Variants in SLC1A2 observed in about 807,000 individuals in gnomAD.
SLC1A2 encodes solute carrier family 1 member 2.
Under a neutral mutation model 48.8 loss-of-function variants are expected in SLC1A2, and 15 were observed. The observed-to-expected ratio is 0.31, with a 90% CI of 0.21 to 0.47. SLC1A2 has a LOEUF of 0.47. Ranked by LOEUF, SLC1A2 falls within the 20% of genes least tolerant of loss-of-function variation. The pLI, the probability that SLC1A2 is intolerant of heterozygous loss-of-function variation, is 0.99. For missense variants in SLC1A2, 502 were observed against 730.5 expected, an observed-to-expected ratio of 0.69 and a Z score of 3.61; for synonymous variants, 279 against 272.6, an observed-to-expected ratio of 1.02 and a Z score of -0.23.
intron 1 of SLC1A2, among the ~76,000 whole-genome samples, chr11:35,326,357 A>T (rs1852252840): frequency 6.6e-6 from 1 of 152,216 alleles, no homozygotes; most frequent in South Asian, 2.1e-4. Context: ...AAAAGAGCTC[A>T]GGATTTGGCC....
At chr11:35,382,111 T>C (rs1854442352) in intron 1 of SLC1A2, among the ~76,000 whole-genome samples, 1 of 152,222 alleles carries the variant, frequency 6.6e-6, no homozygotes, top group African/African-American at 2.4e-5. Context: ...TTGTGCAAGA[T>C]GACACAGAAA....
At chr11:35,323,439 G>A (rs969061722) in intron 1 of SLC1A2, 3 of 152,220 alleles carry the variant, frequency 2.0e-5, no homozygotes, top group South Asian at 2.1e-4. Context: ...TATCAATAAG[G>A]TTTAAGTATC....
rs553947706 is a variant in SLC1A2, at chr11:35,394,720, A to G, written c.17+24230T>C. On this transcript the variant is annotated intron_variant, in intron 1 of 10. Coordinates refer to ENST00000278379, the MANE Select transcript of SLC1A2 (RefSeq NM_004171.4). Reference sequence around the variant, plus strand: ...CTAGTCAGTGGGAGTGGCCAGTGCCAAATGGCCTGGAGGCTTGGAGAGGCA... The same window carrying G: ...CTAGTCAGTGGGAGTGGCCAGTGCCGAATGGCCTGGAGGCTTGGAGAGGCA... Among the ~76,000 whole-genome samples, 4 of 152,310 alleles carry G rather than the reference A, an allele frequency of 2.6e-5. No individual in the cohort carries two copies. The East Asian group carries it at 7.7e-4, about 29-fold the overall frequency.
At chr11:35,381,008 A>C (rs1228364197) in intron 1 of SLC1A2, among the ~76,000 whole-genome samples, 1 of 152,246 alleles carries the variant, frequency 6.6e-6, no homozygotes, top group Non-Finnish European at 1.5e-5. Context: ...TGACAAACTA[A>C]GTTGGAGTGA....
chr11:35,327,758 T>C (rs1167448627), intron 1 of SLC1A2, among the ~76,000 whole-genome samples: 1 of 152,228 alleles, frequency 6.6e-6, no homozygotes. Flanking sequence ...AGGATTATTC[T>C]ATCTTAGAAA....
intron 4 of SLC1A2, among the ~76,000 whole-genome samples, chr11:35,308,569 A>G (rs1275371184): frequency 1.3e-5 from 2 of 152,200 alleles, no homozygotes; most frequent in Admixed American, 6.5e-5. Flanking sequence ...TTGCTGCATC[A>G]TTATATGGAG....
At chr11:35,386,557 T>G (rs190097416) in intron 1 of SLC1A2, among the ~76,000 whole-genome samples, 2,279 of 152,310 alleles carry the variant, frequency 0.015, 30 homozygotes, top group Non-Finnish European at 0.022. Context: ...ACATCAATTT[T>G]TATTTTTGAA....
At chr11:35,397,500 C>T (rs1166157950) in intron 1 of SLC1A2, among the ~76,000 whole-genome samples, 5 of 150,770 alleles carry the variant, frequency 3.3e-5, no homozygotes, top group African/African-American at 1.2e-4. Flanking sequence ...AACTGGATCC[C>T]TTCCTTACAC....
intron 1 of SLC1A2, chr11:35,323,201 C>A (rs561125107): frequency 4.7e-6 from 1 of 211,596 alleles, no homozygotes; most frequent in Admixed American, 5.3e-5. Flanking sequence ...CCAGTCCATT[C>A]GAGGGGCTGG....
In SLC1A2 at chr11:35,418,989, C is replaced by G; in HGVS notation, c.-23G>C. ...CATGGTCTGGGGAACGCCCCCTCCT[C>G]TTCAGCACTATCCGGCAGCTGTGGG... On this transcript the variant is annotated 5_prime_UTR_variant, in exon 1 of 11. Coordinates refer to ENST00000278379, the MANE Select transcript of SLC1A2 (RefSeq NM_004171.4). 1 of 1,560,568 alleles carries G rather than the reference C, an allele frequency of 6.4e-7. No individual in the cohort carries two copies. The highest frequency in any genetic ancestry group is 8.7e-7 in the Non-Finnish European group (1 of 1,150,860).
At chr11:35,276,895 GATTGGGTA>G (rs1565207840) in intron 9 of SLC1A2, among the ~76,000 whole-genome samples, 1 of 152,214 alleles carries the variant, frequency 6.6e-6, no homozygotes, top group Non-Finnish European at 1.5e-5. Context: ...AAATACTTGA[GATTGGGTA>G]ATTTATATAG....
intron 1 of SLC1A2, among the ~76,000 whole-genome samples, chr11:35,406,859 AG>A (rs1288464661): frequency 6.6e-6 from 1 of 152,206 alleles, no homozygotes; most frequent in African/African-American, 2.4e-5. Context: ...CCTAGAAAAA[AG>A]GCCTGAAATA....
In SLC1A2 at chr11:35,260,715, ACACAGCAC is replaced by A; in HGVS notation, c.*171_*178del. The A allele has an allele frequency of 1.7e-6, 1 of 598,576 alleles. No individual in the cohort carries two copies. The highest frequency in any genetic ancestry group is 3.0e-6 in the Non-Finnish European group (1 of 336,534). The allele number at this position is 598,576 out of a possible 1,614,324, so 37.1% of individuals were successfully genotyped here. The stretch of plus-strand genomic sequence containing the variant: ...GGTTATAAAGCATTATTTGGCAAAG[ACACAGCAC>A]CGTGCCTGTCATCACTGACTCACAA... On this transcript the variant is annotated 3_prime_UTR_variant, in exon 11 of 11. Coordinates refer to ENST00000278379, the MANE Select transcript of SLC1A2 (RefSeq NM_004171.4).
chr11:35,269,811 T>C (rs1480370834), intron 9 of SLC1A2, among the ~76,000 whole-genome samples: 4 of 152,138 alleles, frequency 2.6e-5, no homozygotes, highest in Admixed American at 6.5e-5. Flanking sequence ...CAGAGTTGTA[T>C]AGAATAAAAG....
At chr11:35,374,784 A>T (rs1369828298) in intron 1 of SLC1A2, among the ~76,000 whole-genome samples, 1 of 150,726 alleles carries the variant, frequency 6.6e-6, no homozygotes, top group Non-Finnish European at 1.5e-5. Context: ...AATAACTATT[A>T]TCTTATAATT....
At chr11:35,340,185 T>C (rs1252790140) in intron 1 of SLC1A2, among the ~76,000 whole-genome samples, 1 of 152,140 alleles carries the variant, frequency 6.6e-6, no homozygotes, top group Non-Finnish European at 1.5e-5. Context: ...AGATGTTACA[T>C]GAGACCTGTT....
chr11:35,397,261 C>T (rs1193627840), intron 1 of SLC1A2, among the ~76,000 whole-genome samples: 1 of 148,322 alleles, frequency 6.7e-6, no homozygotes, highest in East Asian at 2.0e-4. Flanking sequence ...AGGCATCACG[C>T]TACCTGACTT....
intron 10 of SLC1A2, 103 bp from the exon 11 acceptor site, chr11:35,261,068 C>A: frequency 1.2e-6 from 1 of 810,672 alleles, no homozygotes. Context: ...TACTACATGA[C>A]TGAAATATTA....
Position 35,281,115 on chromosome 11 carries a change from C to T in SLC1A2, c.1287-114G>A, listed in dbSNP as rs114663700. 2,783 of 1,373,790 alleles carry T rather than the reference C, an allele frequency of 2.0e-3. 26 individuals are homozygous for T. In the African/African-American group the frequency reaches 0.032, roughly 16 times the overall value. The allele number at this position is 1,373,790 out of a possible 1,614,324, so 85.1% of individuals were successfully genotyped here. A position where few individuals can be genotyped will look rare whatever the true frequency, so the allele number is the denominator to read the frequency against. On this transcript the variant is annotated intron_variant, in intron 8 of 10. Coordinates refer to ENST00000278379, the MANE Select transcript of SLC1A2 (RefSeq NM_004171.4). ...GCCATAAAATTCATCCCCCAACCCCCACCCCATACTCTCCACCAAGGAATA... is the reference window on the plus strand; with the variant it reads ...GCCATAAAATTCATCCCCCAACCCCTACCCCATACTCTCCACCAAGGAATA...
Sources: allele counts gnomAD v4.1 joint callset (sites outside exome capture counted in the v4.1 genomes callset), GRCh38; gene constraint gnomAD v4.1.1; transcripts MANE v1.5; gene names NCBI Gene and HGNC (gene_info 2026-07-23, HGNC 2026-07-21).